The following NTNG1 variants were observed in gnomAD, a reference collection of about 807,000 sequenced individuals.
The protein encoded by NTNG1 is netrin-G1.
A neutral mutation model predicts 54.0 loss-of-function variants in NTNG1; 16 were observed. The ratio of observed to expected loss-of-function variants is 0.30; its 90% confidence interval spans 0.20 to 0.45. The LOEUF is 0.45. NTNG1 is among the 20% of genes least tolerant of loss of function. The probability of loss-of-function intolerance (pLI) is 1.00; values close to 1 mark genes in which losing one functional copy is unlikely to be tolerated. For missense variants in NTNG1, 530 were observed against 678.7 expected (o/e 0.78, Z 2.43); for synonymous variants, 255 against 263.1 (o/e 0.97, Z 0.30).
intron 7 of NTNG1, among the ~76,000 whole-genome samples, chr1:107,461,321 T>A (rs1190478091): frequency 6.6e-6 from 1 of 152,084 alleles, no homozygotes; most frequent in Non-Finnish European, 1.5e-5. Context: ...CCATGGAAAG[T>A]TCTGGAGGAA....
rs550691992 is a variant in NTNG1 at position 107,248,924 on chromosome 1, G to A, written c.247-75358G>A. 8.6e-5 allele frequency among the ~76,000 whole-genome samples: 13 copies of A among 151,460 alleles called. No homozygotes were observed. In the East Asian group the frequency reaches 1.4e-3, roughly 16 times the overall value. On this transcript the variant is annotated intron_variant, in intron 2 of 7. Coordinates refer to ENST00000370068, the MANE Select transcript of NTNG1 (RefSeq NM_001113226.3). ...AGAACTTTTGGAGGCCAAGACAGGC[G>A]GATCATCTGAGGTCAGGAGTTCAAG...
chr1:107,358,683 G>C (rs988128421), intron 3 of NTNG1, among the ~76,000 whole-genome samples: 5 of 151,284 alleles, frequency 3.3e-5, no homozygotes, highest in African/African-American at 1.2e-4. Flanking sequence ...AAAAGGCAGA[G>C]AGTTTAACAA....
chr1:107,199,756 T>C (rs1658596498), intron 2 of NTNG1, among the ~76,000 whole-genome samples: 1 of 151,892 alleles, frequency 6.6e-6, no homozygotes, highest in Non-Finnish European at 1.5e-5. Flanking sequence ...CCATAATTAA[T>C]TCAGAGACCC....
At chr1:107,439,277 CGTGT>C (rs3064151) in intron 7 of NTNG1, among the ~76,000 whole-genome samples, 147 of 145,886 alleles carry the variant, frequency 1.0e-3, no homozygotes, top group African/African-American at 2.9e-3. Context: ...CCAGAACTTG[CGTGT>C]GTGTGTGTGT....
chr1:107,457,095 G>C (rs1677000727), intron 7 of NTNG1, among the ~76,000 whole-genome samples: 1 of 152,190 alleles, frequency 6.6e-6, no homozygotes, highest in African/African-American at 2.4e-5. Flanking sequence ...CCTCAGGCTT[G>C]CCTGGCCAAT....
At position 107,435,261 on chromosome 1, in the gene NTNG1, T is replaced by C. The variant is rs548011434; in HGVS notation, c.1256-1404T>C. Among the ~76,000 whole-genome samples the C allele has an allele frequency of 2.6e-5, 4 of 152,284 alleles. No individual in the cohort carries two copies. In the East Asian group the frequency reaches 5.8e-4, roughly 22 times the overall value. ...CAAACATTAAAAGCTTTCACAAAAT[T>C]AGTATTTTAAAATATTTTTAATCTG... On this transcript the variant is annotated intron_variant, in intron 6 of 7. Transcript: ENST00000370068.
At chr1:107,313,454 G>A (rs962853737) in intron 2 of NTNG1, among the ~76,000 whole-genome samples, 1 of 152,106 alleles carries the variant, frequency 6.6e-6, no homozygotes, top group African/African-American at 2.4e-5. Flanking sequence ...TGAATAGATG[G>A]ATCTGAGGTT....
intron 5 of NTNG1, chr1:107,410,185 C>T (rs1406841606): frequency 1.3e-5 from 2 of 152,064 alleles, no homozygotes; most frequent in African/African-American, 2.4e-5. Context: ...ATTATCACAG[C>T]ATAGCTCAAG....
At chr1:107,472,883 A>G (rs1020857135) in intron 7 of NTNG1, among the ~76,000 whole-genome samples, 4 of 152,206 alleles carry the variant, frequency 2.6e-5, no homozygotes, top group Admixed American at 6.5e-5. Flanking sequence ...TCCATCTCAC[A>G]TATCACAACT....
intron 7 of NTNG1, among the ~76,000 whole-genome samples, chr1:107,446,960 G>A (rs1676343576): frequency 6.6e-6 from 1 of 152,058 alleles, no homozygotes; most frequent in African/African-American, 2.4e-5. Context: ...TAGCAGTCAA[G>A]ATCATCCAGA....
chr1:107,370,492 C>T (rs1426530675), intron 3 of NTNG1, among the ~76,000 whole-genome samples: 1 of 151,898 alleles, frequency 6.6e-6, no homozygotes, highest in African/African-American at 2.4e-5. Context: ...AATTTGTAGT[C>T]TTTTATCCCT....
intron 7 of NTNG1, among the ~76,000 whole-genome samples, chr1:107,466,037 T>A (rs770543790): frequency 1.2e-4 from 18 of 151,534 alleles, no homozygotes; most frequent in Non-Finnish European, 2.2e-4. Flanking sequence ...TAAAAGCACA[T>A]GATGGGGAGA....
intron 2 of NTNG1, among the ~76,000 whole-genome samples, chr1:107,276,513 A>C (rs1664485394): frequency 6.6e-6 from 1 of 151,984 alleles, no homozygotes; most frequent in Non-Finnish European, 1.5e-5. Context: ...CACATCACTG[A>C]ATCTTCACCT....
intron 7 of NTNG1, among the ~76,000 whole-genome samples, chr1:107,475,724 C>CA (rs1678275711): frequency 6.6e-6 from 1 of 152,166 alleles, no homozygotes; most frequent in South Asian, 2.1e-4. Context: ...TGCCCTGACC[C>CA]AGGCCTTATC....
intron 4 of NTNG1, among the ~76,000 whole-genome samples, chr1:107,401,388 A>ACAACCAC (rs1282169606): frequency 6.6e-6 from 1 of 152,102 alleles, no homozygotes. Flanking sequence ...CCACTGATCT[A>ACAACCAC]TTGTCTGTGG....
chr1:107,439,404 G>C (rs1273949223), intron 7 of NTNG1, among the ~76,000 whole-genome samples: 1 of 151,938 alleles, frequency 6.6e-6, no homozygotes, highest in South Asian at 2.1e-4. Context: ...ATTTTATGTT[G>C]TCAGGGAGGA....
intron 2 of NTNG1, among the ~76,000 whole-genome samples, chr1:107,164,296 T>C (rs933892411): frequency 3.9e-5 from 6 of 152,200 alleles, no homozygotes; most frequent in Non-Finnish European, 7.3e-5. Context: ...CCAAGCACCA[T>C]GCAGGCCTCA....
chr1:107,376,787 G>A (rs6685989), intron 3 of NTNG1, among the ~76,000 whole-genome samples: 134,366 of 152,230 alleles, frequency 0.88, 59,419 homozygotes, highest in South Asian at 0.91. Flanking sequence ...CTTGGTCCCA[G>A]CTTCCAGTCT....
At chr1:107,455,854 G>A (rs760848875) in intron 7 of NTNG1, among the ~76,000 whole-genome samples, 1 of 152,196 alleles carries the variant, frequency 6.6e-6, no homozygotes, top group Non-Finnish European at 1.5e-5. Context: ...CAGACACCCT[G>A]TCTCAGCTCC....
Sources: gnomAD v4.1 joint callset for allele counts (sites outside exome capture counted in the v4.1 genomes callset) on GRCh38, gnomAD v4.1.1 for gene constraint, MANE v1.5 for transcripts, NCBI Gene and HGNC (gene_info 2026-07-23, HGNC 2026-07-21) for gene names.